Variants in SP1 observed in about 807,000 individuals in gnomAD.
The protein encoded by SP1 is transcription factor Sp1.
Under a neutral mutation model 66.3 loss-of-function variants are expected in SP1, and 6 were observed. The ratio of observed to expected loss-of-function variants is 0.09; its 90% confidence interval spans 0.05 to 0.18. The LOEUF (loss-of-function observed/expected upper bound fraction) is 0.18. Among genes scored for constraint, SP1 ranks in the 10% least tolerant of loss-of-function variants. The probability of loss-of-function intolerance (pLI) is 1.00; values close to 1 mark genes in which losing one functional copy is unlikely to be tolerated. For missense variants in SP1, 848 were observed against 964.5 expected, an observed-to-expected ratio of 0.88 and a Z score of 1.60; for synonymous variants, 417 against 360.8, an observed-to-expected ratio of 1.16 and a Z score of -1.77.
In SP1 at chr12:53,380,273, T is replaced by G; in HGVS notation, c.-19T>G. On this transcript the variant is annotated 5_prime_UTR_variant, in exon 1 of 6. Transcript: ENST00000327443. ...CCCCCCGGACAGGACCCCCTTGAGC[T>G]TGTCCCTCAGCTGCCACCATGAGCG... The G allele has an allele frequency of 1.3e-6, 1 of 778,592 alleles. No individual in the cohort carries two copies. The allele number at this position is 778,592 out of a possible 1,614,324, so 48.2% of individuals were successfully genotyped here.
intron 3 of SP1, among the ~76,000 whole-genome samples, chr12:53,395,739 G>A (rs988120536): frequency 6.6e-6 from 1 of 151,880 alleles, no homozygotes; most frequent in African/African-American, 2.4e-5. Flanking sequence ...AGGCTAAGGC[G>A]GGCAGATCAG....
At chr12:53,380,420 T>C in intron 1 of SP1, 122 bp downstream of exon 1, 1 of 884,932 alleles carries the variant, frequency 1.1e-6, no homozygotes, top group Non-Finnish European at 1.6e-6. Flanking sequence ...GGCGGCGGCC[T>C]AGGTCCCGCC....
chr12:53,381,025 C>T (rs1345300696), intron 1 of SP1, among the ~76,000 whole-genome samples: 1 of 136,570 alleles, frequency 7.3e-6, no homozygotes, highest in Admixed American at 8.0e-5. Context: ...GATCTCGGCT[C>T]ACTGCAACCT....
At position 53,411,324 on chromosome 12, in the gene SP1, A is replaced by T. The variant is rs1938879515; in HGVS notation, c.*84A>T. Reference sequence around the variant, plus strand: ...GTAGCATGGGTCCAAGAGACATGGAAGAGAGAGCCATGAAGCATTAAAATG... The same window carrying T: ...GTAGCATGGGTCCAAGAGACATGGATGAGAGAGCCATGAAGCATTAAAATG... On this transcript the variant is annotated 3_prime_UTR_variant, in exon 6 of 6. Coordinates refer to ENST00000327443, the MANE Select transcript of SP1 (RefSeq NM_138473.3). 5 of 1,113,502 alleles carry T rather than the reference A, an allele frequency of 4.5e-6. No individual in the cohort carries two copies. The highest frequency in any genetic ancestry group is 4.5e-5 in the Admixed American group (2 of 44,458). The allele number at this position is 1,113,502 out of a possible 1,614,324, so 69.0% of individuals were successfully genotyped here. A position where few individuals can be genotyped will look rare whatever the true frequency, so the allele number is the denominator to read the frequency against.
At chr12:53,380,992 C>T (rs113057932) in intron 1 of SP1, among the ~76,000 whole-genome samples, 2,883 of 115,284 alleles carry the variant, frequency 0.025, 125 homozygotes, top group African/African-American at 0.1. Flanking sequence ...GCTCTTGTTA[C>T]CCAGACTGGA....
Position 53,409,734 on chromosome 12 carries a change from G to A in SP1, c.2044+173G>A, listed in dbSNP as rs558453750. 3.3e-5 allele frequency among the ~76,000 whole-genome samples: 5 copies of A among 152,360 alleles called. No individual in the cohort carries two copies. In the South Asian group the frequency reaches 1.0e-3, roughly 32 times the overall value. On this transcript the variant is annotated intron_variant, in intron 5 of 5. Coordinates refer to ENST00000327443, the MANE Select transcript of SP1 (RefSeq NM_138473.3). ...TTTTTAAGAAGGAAGGAGGGGCTGG[G>A]TGCAGTGGCTCACGCCTGTAATCCC...
intron 3 of SP1, among the ~76,000 whole-genome samples, chr12:53,392,647 G>A (rs1251216780): frequency 2.0e-5 from 3 of 147,578 alleles, no homozygotes; most frequent in Non-Finnish European, 3.0e-5. Flanking sequence ...GTGAGCCACC[G>A]CGCCCGGCCT....
chr12:53,389,593 GATTAC>G (rs1306764735), intron 3 of SP1, among the ~76,000 whole-genome samples: 8 of 151,928 alleles, frequency 5.3e-5, no homozygotes, highest in African/African-American at 1.9e-4. Flanking sequence ...AAAATGCTGG[GATTAC>G]AGGCGTGATG....
At chr12:53,386,046 G>A (rs144921132) in intron 3 of SP1, among the ~76,000 whole-genome samples, 1,921 of 152,298 alleles carry the variant, frequency 0.013, 15 homozygotes, top group Middle Eastern at 0.031. Context: ...AACGAAGTAA[G>A]TTCCCTGGTT....
chr12:53,394,607 C>CTTTTTTTT (rs71443299), intron 3 of SP1, among the ~76,000 whole-genome samples: 4 of 58,152 alleles, frequency 6.9e-5, no homozygotes, highest in Non-Finnish European at 9.1e-5. Context: ...GAGATAAGGT[C>CTTTTTTTT]TTTTTTTTTT....
At chr12:53,398,263 C>T (rs770321291) in intron 3 of SP1, among the ~76,000 whole-genome samples, 14 of 152,168 alleles carry the variant, frequency 9.2e-5, no homozygotes, top group Non-Finnish European at 1.8e-4. Flanking sequence ...GCCTATAGGG[C>T]AGGAACCACC....
rs535351469 is a variant in SP1 at position 53,388,615 on chromosome 12, TAAAG to T, written c.1675+4999_1675+5002del. On this transcript the variant is annotated intron_variant, in intron 3 of 5. Coordinates refer to ENST00000327443, the MANE Select transcript of SP1 (RefSeq NM_138473.3). ...CCTTTAATTGATATGACTTCATCCT[TAAAG>T]AAAGATAATAAAATCACTTCCTAGA... is the stretch of plus-strand genomic sequence containing the variant. Among the ~76,000 whole-genome samples, 10 of 152,298 alleles carry T rather than the reference TAAAG, an allele frequency of 6.6e-5. No homozygotes were observed. The South Asian group carries it at 1.2e-3, about 19-fold the overall frequency.
chr12:53,383,110 G>A lies in SP1; in HGVS notation c.1163G>A (p.Gly388Glu), dbSNP rs1938146775. The change falls in exon 3 of 6, where the codon GGA (glycine) becomes GAA (glutamate). Residue 388 changes from glycine to glutamate, a missense_variant. Around this residue, in one of 7 missense-constraint regions of SP1, gnomAD observed 606 missense variants for 589.9 expected, o/e 1.03. Coordinates refer to ENST00000327443, the MANE Select transcript of SP1 (RefSeq NM_138473.3). ...TTGCAAGCAGGCCAGCAAAAAGAAG[G>A]AGAGCAAAACCAGCAGACACAGCAG... is the stretch of plus-strand genomic sequence containing the variant. ...GSLQAGQQKE[G>E]EQNQQTQQQQ... 6.2e-7 allele frequency: 1 copy of A among 1,614,188 alleles called. No individual in the cohort carries two copies. The highest frequency in any genetic ancestry group is 1.3e-5 in the African/African-American group (1 of 75,058).
At chr12:53,391,126 A>G (rs1938341223) in intron 3 of SP1, among the ~76,000 whole-genome samples, 1 of 152,126 alleles carries the variant, frequency 6.6e-6, no homozygotes, top group South Asian at 2.1e-4. Flanking sequence ...ATTTAATAGA[A>G]AAGCAAGCAC....
chr12:53,390,133 CT>C (rs1174802713), intron 3 of SP1, among the ~76,000 whole-genome samples: 1 of 152,094 alleles, frequency 6.6e-6, no homozygotes, highest in African/African-American at 2.4e-5. Flanking sequence ...ATTTAAATGT[CT>C]TACCAGTTAT....
intron 3 of SP1, among the ~76,000 whole-genome samples, chr12:53,393,519 G>A (rs2048365197): frequency 6.6e-6 from 1 of 151,424 alleles, no homozygotes; most frequent in Non-Finnish European, 1.5e-5. Flanking sequence ...CTGACCTCAG[G>A]TGATCTGCTC....
In SP1 at chr12:53,381,623, C is replaced by T. The variant is rs564716308; in HGVS notation, c.8-36C>T. ...CTTCCTACTTCATTTCTTTTCTTCC[C>T]TCAAGTTTACGTTGTTTGTTTTTTA... is the stretch of plus-strand genomic sequence containing the variant. On this transcript the variant is annotated intron_variant, in intron 1 of 5. Transcript: ENST00000327443. The T allele has an allele frequency of 5.2e-5, 82 of 1,563,646 alleles. 1 individual carries two copies. The highest frequency in any genetic ancestry group is 3.4e-4 in the Middle Eastern group (2 of 5,848).
chr12:53,383,174 ACAGGCCCTC>A lies in SP1; in HGVS notation c.1239_1247del (p.Leu415_Ala417del), dbSNP rs750389401. ...TCCAGCCTCAGCTAGTTCAAGGGGG[ACAGGCCCTC>A]CAGGCCCTCCAAGCAGCACCATTGT... On this transcript the variant is annotated inframe_deletion, in exon 3 of 6. Coordinates refer to ENST00000327443, the MANE Select transcript of SP1 (RefSeq NM_138473.3). The A allele has an allele frequency of 6.9e-5, 112 of 1,613,978 alleles. No homozygotes were observed. Among genetic ancestry groups the A allele is most frequent in the South Asian group, 1.3e-4 (12 of 91,088 alleles).
Position 53,383,283 on chromosome 12 carries a change from T to A in SP1, c.1336T>A (p.Ser446Thr). ...QNLQLQAVPN[S>T]GPIIIRTPTV... ...CCTCCAGCTTCAGGCTGTTCCAAAC[T>A]CTGGTCCCATCATCATCCGGACACC... The change falls in exon 3 of 6, where the codon TCT (serine) becomes ACT (threonine). Residue 446 changes from serine (S) to threonine (T), a missense_variant. Physicochemically the swap from Ser to Thr is moderately conservative, Grantham distance 58. This residue lies in a region of SP1 where 606 missense variants were observed against 589.9 expected (regional missense o/e 1.03). Coordinates refer to ENST00000327443, the MANE Select transcript of SP1 (RefSeq NM_138473.3). 6.2e-7 allele frequency: 1 copy of A among 1,614,040 alleles called. No homozygotes were observed. Among genetic ancestry groups the A allele is most frequent in the South Asian group, 1.1e-5 (1 of 91,066 alleles).
Sources: gnomAD v4.1 joint callset for allele counts (sites outside exome capture counted in the v4.1 genomes callset) on GRCh38, gnomAD v4.1.1 for gene constraint, gnomAD v4.1.1 regional missense constraint, MANE v1.5 for transcripts, NCBI Gene and HGNC (gene_info 2026-07-23, HGNC 2026-07-21) for gene names.